The following TNNI1 variants were observed in gnomAD, a reference collection of about 807,000 sequenced individuals.
TNNI1 encodes troponin I, slow skeletal muscle.
Under a neutral mutation model 26.7 loss-of-function variants are expected in TNNI1, and 14 were observed. The ratio of observed to expected loss-of-function variants is 0.52; its 90% CI spans 0.35 to 0.82. The LOEUF (loss-of-function observed/expected upper bound fraction) is 0.82, where lower values mean the gene tolerates loss of function less well. Ranked by LOEUF, TNNI1 falls within the 40% of genes least tolerant of loss-of-function variation. The probability of loss-of-function intolerance (pLI) is 0.01; values close to 1 mark genes in which losing one functional copy is unlikely to be tolerated. For synonymous variants in TNNI1, 79 were observed against 98.2 expected, an observed-to-expected ratio of 0.80 and a Z score of 1.16; for missense variants, 164 against 257.0, an observed-to-expected ratio of 0.64 and a Z score of 2.47.
At chr1:201,412,926 C>T (rs1427398438) in intron 6 of TNNI1, 106 bp downstream of exon 6, 2 of 1,172,452 alleles carry the variant, frequency 1.7e-6, no homozygotes, top group Non-Finnish European at 2.5e-6. Context: ...TAAGTGGCCC[C>T]TTCCTAGGCC....
intron 5 of TNNI1, among the ~76,000 whole-genome samples, chr1:201,413,335 A>G (rs1662670145): frequency 6.6e-6 from 1 of 152,190 alleles, no homozygotes; most frequent in South Asian, 2.1e-4. Context: ...AAAAAATAGT[A>G]TTCCTTCGCT....
Position 201,414,528 on chromosome 1 carries a change from C to T in TNNI1, c.179G>A (p.Ser60Asn). 6.2e-7 allele frequency: 1 copy of T among 1,602,148 alleles called. No individual in the cohort carries two copies. The highest frequency in any genetic ancestry group is 1.1e-5 in the South Asian group (1 of 89,444). Reference sequence around the variant, plus strand: ...ACCTGCCAGGCTAACCTGCAGGGCACTGAGGGACAGGCCACGGGTCTGCAG... The same window carrying T: ...ACCTGCCAGGCTAACCTGCAGGGCATTGAGGGACAGGCCACGGGTCTGCAG... ...PTLQTRGLSL[S>N]ALQDLCRELH... is the part of the protein sequence containing the mutation. Residue 60 changes from serine (S) to asparagine (N), a missense_variant, in exon 5 of 9, where the codon AGT (serine) becomes AAT (asparagine). Physicochemically the swap from Ser to Asn is conservative, Grantham distance 46 (BLOSUM62 1). Around this residue, in one of 3 missense-constraint regions of TNNI1, gnomAD observed 117 missense variants for 158.7 expected, o/e 0.74. Coordinates refer to ENST00000361379, the MANE Select transcript of TNNI1 (RefSeq NM_003281.4).
chr1:201,418,482 A>T lies in TNNI1; in HGVS notation c.-19-670T>A, dbSNP rs555670818. Among the ~76,000 whole-genome samples the T allele has an allele frequency of 1.0e-3, 159 of 152,146 alleles. 2 individuals carry two copies. In the East Asian group the frequency reaches 0.016, roughly 15 times the overall value. On this transcript the variant is annotated intron_variant, in intron 1 of 8. Coordinates refer to ENST00000361379, the MANE Select transcript of TNNI1 (RefSeq NM_003281.4). ...GTCTCCTTCTCAAAAAAAAAAAAAA[A>T]AAAATAAGTGAGAGTGTAGCTCACT...
At position 201,411,269 on chromosome 1, in the gene TNNI1, C is replaced by A; in HGVS notation, c.456+88G>T. ...AGCTGACTGGTCTCCAACAGGAGCTCCTGGGCCAGCCTGAGGCCATGTGAG... is the reference window on the plus strand; with the variant it reads ...AGCTGACTGGTCTCCAACAGGAGCTACTGGGCCAGCCTGAGGCCATGTGAG... On this transcript the variant is annotated intron_variant, in intron 7 of 8. Transcript: ENST00000361379. This position sits in a 1 kb window ranked among gnomAD's most constrained non-coding sequence, Gnocchi z 4.6. 6.9e-7 allele frequency: 1 copy of A among 1,455,568 alleles called. No individual in the cohort carries two copies. The highest frequency in any genetic ancestry group is 9.4e-7 in the Non-Finnish European group (1 of 1,059,818). 90.2% of individuals were successfully genotyped at this position (1,455,568 alleles called of 1,614,324 possible).
At chr1:201,409,576 A>T (rs1027670359) in intron 8 of TNNI1, among the ~76,000 whole-genome samples, 1 of 152,228 alleles carries the variant, frequency 6.6e-6, no homozygotes, top group South Asian at 2.1e-4. Context: ...CCTTCCCTTT[A>T]TCAGCTAACA....
intron 4 of TNNI1, 47 bp from the exon 5 acceptor site, chr1:201,414,696 C>A (rs377516712): frequency 6.3e-7 from 1 of 1,596,084 alleles, no homozygotes; most frequent in Non-Finnish European, 8.5e-7. Flanking sequence ...ATCTCCCACC[C>A]GGCATCAGGG....
intron 5 of TNNI1, among the ~76,000 whole-genome samples, chr1:201,413,977 T>C (rs1662687318): frequency 1.3e-5 from 2 of 152,194 alleles, no homozygotes; most frequent in African/African-American, 4.8e-5. Flanking sequence ...AGTTTTCTTA[T>C]GATAAAAGTA....
At chr1:201,409,329 C>T (rs1257653582) in intron 8 of TNNI1, 79 bp from the exon 9 acceptor site, 2 of 152,364 alleles carry the variant, frequency 1.3e-5, no homozygotes, top group East Asian at 1.9e-4. Context: ...ACCTACAGCA[C>T]ATGCAGTCCC....
intron 8 of TNNI1, among the ~76,000 whole-genome samples, chr1:201,409,690 C>T (rs1309867826): frequency 6.6e-6 from 1 of 152,214 alleles, no homozygotes. Context: ...TCAGCACTTC[C>T]GTAGAGGGTT....
At chr1:201,414,463 C>G (rs1181886249) in intron 5 of TNNI1, 55 bp downstream of exon 5, 10 of 1,443,792 alleles carry the variant, frequency 6.9e-6, no homozygotes, top group African/African-American at 1.4e-5. Context: ...GTCCTTGGAG[C>G]CACCCACACA....
intron 6 of TNNI1, 151 bp downstream of exon 6, chr1:201,412,881 A>G (rs578042502): frequency 4.1e-6 from 3 of 729,216 alleles, no homozygotes; most frequent in Admixed American, 2.0e-5. Flanking sequence ...CTCCAGCCCT[A>G]TGGGGCTAGG....
chr1:201,411,669 C>T lies in TNNI1; in HGVS notation c.280-136G>A. On this transcript the variant is annotated intron_variant, in intron 6 of 8. Coordinates refer to ENST00000361379, the MANE Select transcript of TNNI1 (RefSeq NM_003281.4). This position sits in a 1 kb window ranked among gnomAD's most constrained non-coding sequence, Gnocchi z 4.6. ...CCACCCTTGAAGCCAGACCTATCAG[C>T]AGTCACCAACCTTTTTGTCACCAGG... is the stretch of plus-strand genomic sequence containing the variant. 1 of 886,058 alleles carries T rather than the reference C, an allele frequency of 1.1e-6. No homozygotes were observed. The highest frequency in any genetic ancestry group is 1.6e-6 in the Non-Finnish European group (1 of 625,198). The allele number at this position is 886,058 out of a possible 1,614,324, so 54.9% of individuals were successfully genotyped here.
chr1:201,407,254 A>G lies in TNNI1; in HGVS notation c.*1999T>C, dbSNP rs540605139. ...GCATGAAGGCATGAAGCCTAACCCC[A>G]TCCTCTGTGGCCTGGACCAGCCCTG... On this transcript the variant is annotated 3_prime_UTR_variant, in exon 9 of 9. Transcript: ENST00000361379. 6.6e-6 allele frequency: 1 copy of G among 152,214 alleles called. No homozygotes were observed. Among genetic ancestry groups the G allele is most frequent in the African/African-American group, 2.4e-5 (1 of 41,442 alleles). 9.4% of individuals were successfully genotyped at this position (152,214 alleles called of 1,614,324 possible).
chr1:201,418,628 C>T (rs1226920045), intron 1 of TNNI1, among the ~76,000 whole-genome samples: 1 of 152,130 alleles, frequency 6.6e-6, no homozygotes, highest in Non-Finnish European at 1.5e-5. Flanking sequence ...TGCTGGAAAA[C>T]GGGTAGCTGC....
intron 3 of TNNI1, among the ~76,000 whole-genome samples, chr1:201,415,542 C>A (rs757831024): frequency 6.7e-6 from 1 of 148,970 alleles, no homozygotes; most frequent in Non-Finnish European, 1.5e-5. Context: ...TCTACAGGCA[C>A]CTCCTTCCTC....
chr1:201,417,095 G>C, intron 3 of TNNI1, 21 bp downstream of exon 3: 1 of 1,614,094 alleles, frequency 6.2e-7, no homozygotes, highest in South Asian at 1.1e-5. Context: ...CCAAGACAGA[G>C]ATACCCCAAA....
rs1662576658 is a variant in TNNI1, at chr1:201,408,773, A to T, written c.*480T>A. 1 of 152,350 alleles carries T rather than the reference A, an allele frequency of 6.6e-6. No homozygotes were observed. The highest frequency in any genetic ancestry group is 2.1e-4 in the South Asian group (1 of 4,820). 9.4% of individuals were successfully genotyped at this position (152,350 alleles called of 1,614,324 possible). A position where few individuals can be genotyped will look rare whatever the true frequency, so the allele number is the denominator to read the frequency against. ...TCAGATCCCGAGCTCCGGACTGCAG[A>T]CAGGGTGACTGGAGCCCAGCACAGC... On this transcript the variant is annotated 3_prime_UTR_variant, in exon 9 of 9. Transcript: ENST00000361379.
At chr1:201,414,785 C>T in intron 4 of TNNI1, 136 bp from the exon 5 acceptor site, 1 of 1,397,856 alleles carries the variant, frequency 7.2e-7, no homozygotes, top group South Asian at 1.4e-5. Flanking sequence ...CAGCCATGGA[C>T]AGGCCACCAT....
intron 1 of TNNI1, among the ~76,000 whole-genome samples, chr1:201,421,137 A>C (rs1662850057): frequency 6.6e-6 from 1 of 152,198 alleles, no homozygotes; most frequent in South Asian, 2.1e-4. Context: ...GGGAGCTAAC[A>C]GCGTCGCTCA....
Sources: allele counts gnomAD v4.1 joint callset (sites outside exome capture counted in the v4.1 genomes callset), GRCh38; gene constraint gnomAD v4.1.1; regional missense constraint gnomAD v4.1.1; non-coding constraint Gnocchi (gnomAD v3.1); transcripts MANE v1.5; gene names NCBI Gene and HGNC (gene_info 2026-07-23, HGNC 2026-07-21).